IRAK2: variants seen among roughly 807,000 people sequenced by gnomAD.
IRAK2 encodes the protein interleukin-1 receptor-associated kinase-like 2.
IRAK2 carries 57 observed loss-of-function variants against 72.0 expected under a neutral mutation model. The observed-to-expected ratio is 0.79, with a 90% CI of 0.64 to 0.99. IRAK2 has a LOEUF of 0.99. Ranked by LOEUF, IRAK2 falls within the 50% of genes least tolerant of loss-of-function variation. The pLI is 0.00. For synonymous variants in IRAK2, 293 were observed against 312.7 expected (o/e 0.94, Z 0.67); for missense variants, 790 against 794.4 (o/e 0.99, Z 0.07).
In IRAK2 at chr3:10,238,794, A is replaced by T; in HGVS notation, c.1520A>T (p.Glu507Val). 6.2e-7 allele frequency: 1 copy of T among 1,614,086 alleles called. No homozygotes were observed. The highest frequency in any genetic ancestry group is 8.5e-7 in the Non-Finnish European group (1 of 1,179,996). The change falls in exon 12 of 13, where the codon GAG (glutamate) becomes GTG (valine). Residue 507 changes from glutamate (E) to valine (V), a missense_variant. Glu to Val is a moderately radical substitution (Grantham distance 121, BLOSUM62 -2). Coordinates refer to ENST00000256458, the MANE Select transcript of IRAK2 (RefSeq NM_001570.4). Reference sequence around the variant, plus strand: ...GTGGAAGAGCGGCTCCGAGGTCGGGAGACGTTGCTCCCTTGGAGTGGGCTT... The same window carrying T: ...GTGGAAGAGCGGCTCCGAGGTCGGGTGACGTTGCTCCCTTGGAGTGGGCTT... ...AAVEERLRGR[E>V]TLLPWSGLSE...
intron 11 of IRAK2, among the ~76,000 whole-genome samples, chr3:10,238,341 T>C (rs1697999356): frequency 1.3e-5 from 2 of 152,146 alleles, no homozygotes; most frequent in African/African-American, 4.8e-5. Flanking sequence ...GCTTTCATTT[T>C]CCCCTACTGT....
chr3:10,212,229 A>G (rs1351502309), intron 4 of IRAK2, among the ~76,000 whole-genome samples: 1 of 152,202 alleles, frequency 6.6e-6, no homozygotes, highest in Non-Finnish European at 1.5e-5. Context: ...GGTTGTGTGC[A>G]GCCCAGGATG....
Position 10,198,327 on chromosome 3 carries a change from G to C in IRAK2, c.278-2042G>C, listed in dbSNP as rs149380876. Among the ~76,000 whole-genome samples, 361 of 152,344 alleles carry C rather than the reference G, an allele frequency of 2.4e-3. 6 individuals carry two copies. The highest frequency in any genetic ancestry group is 0.019 in the Admixed American group (294 of 15,302). On this transcript the variant is annotated intron_variant, in intron 2 of 12. Transcript: ENST00000256458. Reference sequence around the variant, plus strand: ...CTTGTTGTTATTTTTGTGCATTCCCGATGTCTCCCCAACTCCTCCCACCCT... The same window carrying C: ...CTTGTTGTTATTTTTGTGCATTCCCCATGTCTCCCCAACTCCTCCCACCCT...
At chr3:10,172,685 A>C (rs1419406112) in intron 1 of IRAK2, among the ~76,000 whole-genome samples, 1 of 148,576 alleles carries the variant, frequency 6.7e-6, no homozygotes, top group Non-Finnish European at 1.5e-5. Flanking sequence ...CAAAAATACA[A>C]AAATTAGCTG....
intron 4 of IRAK2, among the ~76,000 whole-genome samples, chr3:10,211,402 A>T (rs1307431682): frequency 2.4e-3 from 1 of 420 alleles, no homozygotes; most frequent in Non-Finnish European, 6.4e-3. Context: ...TTGGCCTCCC[A>T]CATATGGTGA....
At chr3:10,182,707 G>T (rs1696979734) in intron 2 of IRAK2, among the ~76,000 whole-genome samples, 1 of 151,950 alleles carries the variant, frequency 6.6e-6, no homozygotes. Flanking sequence ...ACTGCGCCAG[G>T]CCCTTTATTT....
intron 9 of IRAK2, among the ~76,000 whole-genome samples, chr3:10,224,014 G>A (rs1359243365): frequency 6.6e-6 from 1 of 152,148 alleles, no homozygotes; most frequent in Non-Finnish European, 1.5e-5. Context: ...AGCTCAGCAG[G>A]GCTAGTCCAG....
chr3:10,177,543 C>T (rs1288627565), intron 1 of IRAK2, among the ~76,000 whole-genome samples: 2 of 152,186 alleles, frequency 1.3e-5, no homozygotes, highest in Non-Finnish European at 2.9e-5. Context: ...CCCACTGAGG[C>T]TCCCACGGGC....
At chr3:10,226,497 C>G in intron 10 of IRAK2, 64 bp downstream of exon 10, 1 of 1,296,708 alleles carries the variant, frequency 7.7e-7, no homozygotes, top group Non-Finnish European at 1.1e-6. Flanking sequence ...GTAGAGAGGG[C>G]AACGACCTCA....
chr3:10,225,530 C>G (rs1697760199), intron 9 of IRAK2, among the ~76,000 whole-genome samples: 1 of 152,176 alleles, frequency 6.6e-6, no homozygotes. Flanking sequence ...TGTGCTCCTT[C>G]TGCGAGTGGA....
chr3:10,226,114 C>T (rs1317094788), intron 9 of IRAK2, among the ~76,000 whole-genome samples: 1 of 152,152 alleles, frequency 6.6e-6, no homozygotes, highest in Non-Finnish European at 1.5e-5. Flanking sequence ...TAAACACACA[C>T]ACACATGAAT....
At chr3:10,215,962 G>A (rs1697599509) in intron 6 of IRAK2, among the ~76,000 whole-genome samples, 1 of 152,218 alleles carries the variant, frequency 6.6e-6, no homozygotes, top group African/African-American at 2.4e-5. Context: ...CCTTGGGGAG[G>A]TTTATGGTCC....
At chr3:10,176,129 A>T (rs1048437273) in intron 1 of IRAK2, among the ~76,000 whole-genome samples, 19 of 150,620 alleles carry the variant, frequency 1.3e-4, no homozygotes, top group Non-Finnish European at 2.2e-4. Flanking sequence ...CACCAAAAGA[A>T]AGAATGCATT....
chr3:10,204,883 C>T (rs1213109977), intron 3 of IRAK2, among the ~76,000 whole-genome samples: 1 of 152,168 alleles, frequency 6.6e-6, no homozygotes, highest in East Asian at 1.9e-4. Flanking sequence ...AGCTGTGCCT[C>T]ACTCTTGGAA....
At chr3:10,193,205 G>C (rs1371541451) in intron 2 of IRAK2, among the ~76,000 whole-genome samples, 4 of 152,090 alleles carry the variant, frequency 2.6e-5, no homozygotes, top group Non-Finnish European at 1.5e-5. Context: ...ACCATGACAG[G>C]GGCACAGAGA....
intron 2 of IRAK2, among the ~76,000 whole-genome samples, chr3:10,193,573 T>C (rs538056625): frequency 1.6e-4 from 24 of 152,320 alleles, no homozygotes; most frequent in African/African-American, 5.5e-4. Flanking sequence ...CAGTGAGCTA[T>C]GGTTGCACCA....
At chr3:10,176,393 T>C (rs887186022) in intron 1 of IRAK2, among the ~76,000 whole-genome samples, 23 of 151,832 alleles carry the variant, frequency 1.5e-4, no homozygotes, top group African/African-American at 5.3e-4. Context: ...CTCCAACTCC[T>C]GGGCTCAAGT....
intron 9 of IRAK2, among the ~76,000 whole-genome samples, chr3:10,225,169 A>G (rs555289372): frequency 1.9e-3 from 291 of 152,096 alleles, no homozygotes; most frequent in African/African-American, 6.7e-3. Flanking sequence ...TCCTTCCTCC[A>G]GGCTTGGAGG....
At chr3:10,234,788 A>G (rs2125164672) in intron 11 of IRAK2, 129 bp downstream of exon 11, 6 of 806,874 alleles carry the variant, frequency 7.4e-6, no homozygotes, top group Non-Finnish European at 1.2e-5. Flanking sequence ...AGAACCTCCT[A>G]GAGCTCCCAT....
Sources: allele counts gnomAD v4.1 joint callset (sites outside exome capture counted in the v4.1 genomes callset), GRCh38; gene constraint gnomAD v4.1.1; transcripts MANE v1.5; gene names NCBI Gene and HGNC (gene_info 2026-07-23, HGNC 2026-07-21).